Variants in AGPAT3 observed in about 807,000 individuals in gnomAD.
AGPAT3 encodes 1-acyl-sn-glycerol-3-phosphate acyltransferase gamma.
In AGPAT3, 5 loss-of-function variants were observed where a neutral mutation model predicts 47.3. That is an observed-to-expected ratio of 0.11 (90% CI 0.06 to 0.22). The LOEUF (loss-of-function observed/expected upper bound fraction) is 0.22, where lower values mean the gene tolerates loss of function less well. Ranked by LOEUF, AGPAT3 falls within the 10% of genes least tolerant of loss-of-function variation. AGPAT3 has a pLI of 1.00. For synonymous variants in AGPAT3, 212 were observed against 208.3 expected (o/e 1.02, Z -0.15); for missense variants, 315 against 493.0 (o/e 0.64, Z 3.42).
At chr21:43,881,806 C>T (rs2085858596) in intron 1 of AGPAT3, among the ~76,000 whole-genome samples, 1 of 152,158 alleles carries the variant, frequency 6.6e-6, no homozygotes, top group South Asian at 2.1e-4. Context: ...CAGGTGCATG[C>T]CACCACGCCC....
chr21:43,905,288 C>T (rs559302311), intron 2 of AGPAT3, among the ~76,000 whole-genome samples: 6 of 152,018 alleles, frequency 3.9e-5, no homozygotes, highest in African/African-American at 1.2e-4. Context: ...TTCCCAGGTT[C>T]AAATGATTCT....
rs1489464238 is a variant in AGPAT3, at chr21:43,933,576, T to G, written c.-48-26058T>G. ...GGGTCTTTGGTTCTCCATAGCCTGC[T>G]GGCGTCCATGTGTTTTTATTCTTTC... On this transcript the variant is annotated intron_variant, in intron 2 of 9. Transcript: ENST00000291572. The surrounding 1 kb of genome is among the most constrained non-coding windows in gnomAD (Gnocchi z 6.0). 6.6e-6 allele frequency among the ~76,000 whole-genome samples: 1 copy of G among 152,160 alleles called. No individual in the cohort carries two copies. The highest frequency in any genetic ancestry group is 1.5e-5 in the Non-Finnish European group (1 of 68,026).
Position 43,922,793 on chromosome 21 carries a change from AG to A in AGPAT3, c.-49+18776del, listed in dbSNP as rs2146204847. Among the ~76,000 whole-genome samples the A allele has an allele frequency of 6.6e-6, 1 of 152,274 alleles. No individual in the cohort carries two copies. The highest frequency in any genetic ancestry group is 2.4e-5 in the African/African-American group (1 of 41,558). ...GGCTGTGGCTCAGGAGCCACGTGCC[AG>A]GCAGGTCACTCCGTCAGCATAGGGG... On this transcript the variant is annotated intron_variant, in intron 2 of 9. Coordinates refer to ENST00000291572, the MANE Select transcript of AGPAT3 (RefSeq NM_020132.5). The surrounding 1 kb of genome is among the most constrained non-coding windows in gnomAD (Gnocchi z 4.9).
At chr21:43,877,879 T>C (rs985031605) in intron 1 of AGPAT3, among the ~76,000 whole-genome samples, 2 of 152,004 alleles carry the variant, frequency 1.3e-5, no homozygotes, top group African/African-American at 2.4e-5. Context: ...CTGGGCCCCA[T>C]CTATGACCCC....
At chr21:43,956,277 T>TG (rs1320478515) in intron 2 of AGPAT3, among the ~76,000 whole-genome samples, 2 of 150,982 alleles carry the variant, frequency 1.3e-5, no homozygotes, top group Admixed American at 1.3e-4. Flanking sequence ...CTGCCCACCC[T>TG]GGGGGGGCTG....
rs1024961739 is a variant in AGPAT3, at chr21:43,933,991, G to A, written c.-48-25643G>A. 2.6e-5 allele frequency among the ~76,000 whole-genome samples: 4 copies of A among 152,228 alleles called. No individual in the cohort carries two copies. Among genetic ancestry groups the A allele is most frequent in the African/African-American group, 7.2e-5 (3 of 41,454 alleles). On this transcript the variant is annotated intron_variant, in intron 2 of 9. Coordinates refer to ENST00000291572, the MANE Select transcript of AGPAT3 (RefSeq NM_020132.5). This position sits in a 1 kb window ranked among gnomAD's most constrained non-coding sequence, Gnocchi z 6.0. ...GTCACTGTGTGGACTGGCCACACCTGGTGTGCCGCTTCCTTTCTCAGTCAT... is the reference window on the plus strand; with the variant it reads ...GTCACTGTGTGGACTGGCCACACCTAGTGTGCCGCTTCCTTTCTCAGTCAT...
rs1392942444 is a variant in AGPAT3, at chr21:43,920,502, T to C, written c.-49+16483T>C. Among the ~76,000 whole-genome samples, 2 of 152,082 alleles carry C rather than the reference T, an allele frequency of 1.3e-5. No individual in the cohort carries two copies. The highest frequency in any genetic ancestry group is 2.9e-5 in the Non-Finnish European group (2 of 68,028). On this transcript the variant is annotated intron_variant, in intron 2 of 9. Transcript: ENST00000291572. This position sits in a 1 kb window ranked among gnomAD's most constrained non-coding sequence, Gnocchi z 6.1. The stretch of plus-strand genomic sequence containing the variant: ...CTAATGAGGTGACTGTGGCTGGGGC[T>C]CCAGGACAGCCTCCTGGGGGACTGG...
At chr21:43,910,703 G>C (rs905833142) in intron 2 of AGPAT3, among the ~76,000 whole-genome samples, 4 of 152,326 alleles carry the variant, frequency 2.6e-5, no homozygotes, top group Middle Eastern at 6.8e-3. Context: ...GTGCTCTGAA[G>C]TGTGATGTAT....
chr21:43,967,934 C>G lies in AGPAT3; in HGVS notation c.179-12C>G. 1.2e-6 allele frequency: 2 copies of G among 1,612,386 alleles called. No individual in the cohort carries two copies. The highest frequency in any genetic ancestry group is 1.7e-6 in the Non-Finnish European group (2 of 1,178,832). ...GGTCCTACCAGTGCCAACGCCCTCC[C>G]CCTGTCCGCAGAACTGGTCATGCTG... On this transcript the variant is annotated splice_polypyrimidine_tract_variant and intron_variant, in intron 3 of 9. Transcript: ENST00000291572.
At chr21:43,898,581 C>T (rs2086280201) in intron 1 of AGPAT3, among the ~76,000 whole-genome samples, 2 of 152,166 alleles carry the variant, frequency 1.3e-5, no homozygotes, top group South Asian at 4.1e-4. Context: ...GGCTGGAGTG[C>T]AGTGGGCCAA....
intron 1 of AGPAT3, among the ~76,000 whole-genome samples, chr21:43,898,569 C>T (rs1309933961): frequency 6.6e-6 from 1 of 152,196 alleles, no homozygotes; most frequent in Middle Eastern, 3.2e-3. Flanking sequence ...CTCTGTCGCC[C>T]AGGCTGGAGT....
Position 43,955,309 on chromosome 21 carries a change from G to A in AGPAT3, c.-48-4325G>A. On this transcript the variant is annotated intron_variant, in intron 2 of 9. Coordinates refer to ENST00000291572, the MANE Select transcript of AGPAT3 (RefSeq NM_020132.5). This position sits in a 1 kb window ranked among gnomAD's most constrained non-coding sequence, Gnocchi z 4.1. Reference sequence around the variant, plus strand: ...AGGCTGGGTGGGGAAGGACTTGGATGGAAATGTTCCCTGTTGCAGTGTGGT... The same window carrying A: ...AGGCTGGGTGGGGAAGGACTTGGATAGAAATGTTCCCTGTTGCAGTGTGGT... 9.2e-7 allele frequency: 1 copy of A among 1,092,008 alleles called. No individual in the cohort carries two copies. The highest frequency in any genetic ancestry group is 1.2e-6 in the Non-Finnish European group (1 of 866,278). 67.6% of individuals were successfully genotyped at this position (1,092,008 alleles called of 1,614,324 possible). A position where few individuals can be genotyped will look rare whatever the true frequency, so the allele number is the denominator to read the frequency against.
rs901441639 is a variant in AGPAT3, at chr21:43,922,629, G to C, written c.-49+18610G>C. ...CTGTGACCTGTGACCAAAGGCTGAA[G>C]TCTGGGCTGGAGCTACCTGCTCTGT... On this transcript the variant is annotated intron_variant, in intron 2 of 9. Coordinates refer to ENST00000291572, the MANE Select transcript of AGPAT3 (RefSeq NM_020132.5). This position sits in a 1 kb window ranked among gnomAD's most constrained non-coding sequence, Gnocchi z 4.9. Among the ~76,000 whole-genome samples, 1 of 152,224 alleles carries C rather than the reference G, an allele frequency of 6.6e-6. No homozygotes were observed. Among genetic ancestry groups the C allele is most frequent in the African/African-American group, 2.4e-5 (1 of 41,458 alleles).
chr21:43,905,816 C>G (rs1451675756), intron 2 of AGPAT3, among the ~76,000 whole-genome samples: 1 of 152,202 alleles, frequency 6.6e-6, no homozygotes, highest in Non-Finnish European at 1.5e-5. Flanking sequence ...GTACTCAGGG[C>G]TGAGAGGAGG....
At chr21:43,917,428 GGTGTCCGTCTGT>G (rs1172750208) in intron 2 of AGPAT3, among the ~76,000 whole-genome samples, 1 of 152,214 alleles carries the variant, frequency 6.6e-6, no homozygotes, top group Non-Finnish European at 1.5e-5. Flanking sequence ...TCTCCACGTT[GGTGTCCGTCTGT>G]GTGTCCTCTC....
At position 43,899,904 on chromosome 21, in the gene AGPAT3, A is replaced by AG. The variant is rs146742868; in HGVS notation, c.-111-4051dup. On this transcript the variant is annotated intron_variant, in intron 1 of 9. Transcript: ENST00000291572. Reference sequence around the variant, plus strand: ...AATTGGGAAGAGGCGATGAACTGAGAGGAGGAGTGTCTCAGGTGCTGTCAG... The same window carrying AG: ...AATTGGGAAGAGGCGATGAACTGAGAGGGAGGAGTGTCTCAGGTGCTGTCAG... 8.4e-3 allele frequency among the ~76,000 whole-genome samples: 1,282 copies of AG among 152,278 alleles called. 21 individuals are homozygous for AG. The highest frequency in any genetic ancestry group is 0.029 in the African/African-American group (1,203 of 41,552).
chr21:43,874,864 C>T (rs760018965), intron 1 of AGPAT3, among the ~76,000 whole-genome samples: 12 of 152,182 alleles, frequency 7.9e-5, no homozygotes, highest in Non-Finnish European at 1.3e-4. Flanking sequence ...TCTGCGGTAT[C>T]CACTAGGGAT....
chr21:43,908,779 G>T lies in AGPAT3; in HGVS notation c.-49+4760G>T, dbSNP rs1394183876. ...CCGTGCTGCGTCAGCGTGGTGGCCT[G>T]CCAGCTCCAGGCTGCAAAAGTCCCT... On this transcript the variant is annotated intron_variant, in intron 2 of 9. Transcript: ENST00000291572. The surrounding 1 kb of genome is among the most constrained non-coding windows in gnomAD (Gnocchi z 4.9). 6.6e-6 allele frequency among the ~76,000 whole-genome samples: 1 copy of T among 152,238 alleles called. No homozygotes were observed. The highest frequency in any genetic ancestry group is 2.4e-5 in the African/African-American group (1 of 41,464).
rs921998496 is a variant in AGPAT3, at chr21:43,982,605, G to A, written c.*213G>A. 33 of 415,214 alleles carry A rather than the reference G, an allele frequency of 7.9e-5. No homozygotes were observed. Among genetic ancestry groups the A allele is most frequent in the Non-Finnish European group, 1.3e-4 (31 of 232,052 alleles). The allele number at this position is 415,214 out of a possible 1,614,324, so 25.7% of individuals were successfully genotyped here. A position where few individuals can be genotyped will look rare whatever the true frequency, so the allele number is the denominator to read the frequency against. ...CAGCGCAGGGTCCCAGCATCTCCAC[G>A]CGCGCCCGTGGGAGGTGGGTCCGGC... is the stretch of plus-strand genomic sequence containing the variant. On this transcript the variant is annotated 3_prime_UTR_variant, in exon 10 of 10. Coordinates refer to ENST00000291572, the MANE Select transcript of AGPAT3 (RefSeq NM_020132.5). This position sits in a 1 kb window ranked among gnomAD's most constrained non-coding sequence, Gnocchi z 6.2.
Sources: allele counts gnomAD v4.1 joint callset (sites outside exome capture counted in the v4.1 genomes callset), GRCh38; gene constraint gnomAD v4.1.1; non-coding constraint Gnocchi (gnomAD v3.1); transcripts MANE v1.5; gene names NCBI Gene and HGNC (gene_info 2026-07-23, HGNC 2026-07-21).